The following RNF157 variants were observed in gnomAD, a reference collection of about 807,000 sequenced individuals.
The protein encoded by RNF157 is ring finger protein 157.
RNF157 carries 55 observed loss-of-function variants against 88.3 expected under a neutral mutation model. That is an observed-to-expected ratio of 0.62 (90% CI 0.50 to 0.78). The LOEUF (loss-of-function observed/expected upper bound fraction) is 0.78, where lower values mean the gene tolerates loss of function less well. RNF157 is among the 30% of genes least tolerant of loss of function. RNF157 has a pLI of 0.00. For synonymous variants in RNF157, 334 were observed against 341.2 expected (o/e 0.98, Z 0.23); for missense variants, 788 against 860.8 (o/e 0.92, Z 1.06).
At position 76,145,296 on chromosome 17, in the gene RNF157, G is replaced by A; in HGVS notation, c.1979C>T (p.Ser660Leu). Reference protein sequence around the residue: ...VSRNAQRRRLSSSSLEDSETR... With the variant: ...VSRNAQRRRLLSSSLEDSETR... ...CTCAGAGTCCTCCAGGCTGCTGGATGACAAGCGCCGGCGCTGGGCATTCCG... is the reference window on the plus strand; with the variant it reads ...CTCAGAGTCCTCCAGGCTGCTGGATAACAAGCGCCGGCGCTGGGCATTCCG... Residue 660 changes from serine to leucine, a missense_variant, in exon 19 of 19, where the codon TCA (serine) becomes TTA (leucine). Transcript: ENST00000269391. 4 of 1,611,502 alleles carry A rather than the reference G, an allele frequency of 2.5e-6. No homozygotes were observed. The highest frequency in any genetic ancestry group is 3.4e-6 in the Non-Finnish European group (4 of 1,179,210).
rs142907410 is a variant in RNF157, at chr17:76,223,761, T to C, written c.89-11279A>G. ...CCTGTTCAGAATAAAATATGGAATA[T>C]AATGAAACAAAAAACCAAACAGACT... On this transcript the variant is annotated intron_variant, in intron 1 of 18. Transcript: ENST00000269391. 3.4e-3 allele frequency among the ~76,000 whole-genome samples: 520 copies of C among 152,226 alleles called. 5 individuals are homozygous for C. The highest frequency in any genetic ancestry group is 0.012 in the African/African-American group (497 of 41,570).
At chr17:76,202,507 G>C (rs991517952) in intron 2 of RNF157, 4 of 153,262 alleles carry the variant, frequency 2.6e-5, no homozygotes, top group Admixed American at 6.5e-5. Context: ...GTTAAAGATG[G>C]GTCTTCAAAG....
chr17:76,225,055 C>T (rs2070055963), intron 1 of RNF157, among the ~76,000 whole-genome samples: 1 of 152,088 alleles, frequency 6.6e-6, no homozygotes. Flanking sequence ...ATCTGTAATC[C>T]CAGCTACTTG....
chr17:76,220,704 A>G (rs2069967674), intron 1 of RNF157, among the ~76,000 whole-genome samples: 1 of 151,940 alleles, frequency 6.6e-6, no homozygotes, highest in Admixed American at 6.6e-5. Context: ...TCACGCCTGT[A>G]ATCCCAACAC....
chr17:76,173,882 G>C (rs2069060440), intron 2 of RNF157, 92 bp from the exon 3 acceptor site: 3 of 1,035,320 alleles, frequency 2.9e-6, no homozygotes, highest in African/African-American at 1.6e-5. Context: ...AGCCCTAAGA[G>C]GTGAGGCAGG....
chr17:76,155,808 C>G (rs1672897881), intron 14 of RNF157, 74 bp from the exon 15 acceptor site: 1 of 1,284,058 alleles, frequency 7.8e-7, no homozygotes, highest in Non-Finnish European at 1.1e-6. Flanking sequence ...GGGAGCAGAG[C>G]CCTCTCCCTG....
chr17:76,193,894 A>AC (rs780626402), intron 2 of RNF157, among the ~76,000 whole-genome samples: 13 of 151,850 alleles, frequency 8.6e-5, no homozygotes, highest in Non-Finnish European at 1.6e-4. Context: ...CTGCCCTGCT[A>AC]CCCCTCCCAC....
At chr17:76,155,154 C>T (rs548640530) in intron 16 of RNF157, 98 bp downstream of exon 16, 169 of 1,044,186 alleles carry the variant, frequency 1.6e-4, no homozygotes, top group Non-Finnish European at 2.3e-4. Flanking sequence ...GCTTCGTCAG[C>T]GCAGCCTCCT....
chr17:76,212,256 C>A, intron 2 of RNF157, 108 bp downstream of exon 2: 1 of 767,334 alleles, frequency 1.3e-6, no homozygotes, highest in South Asian at 1.5e-5. Context: ...TCTCTCAACT[C>A]AGACCAAGCT....
At chr17:76,226,488 T>C (rs780753021) in intron 1 of RNF157, 134 of 1,611,236 alleles carry the variant, frequency 8.3e-5, no homozygotes, top group Non-Finnish European at 1.1e-4. Context: ...TCTGGCATGG[T>C]TTCCAGGTCA....
intron 2 of RNF157, among the ~76,000 whole-genome samples, chr17:76,204,229 T>C (rs955856031): frequency 6.6e-6 from 1 of 152,168 alleles, no homozygotes; most frequent in Non-Finnish European, 1.5e-5. Context: ...CTTCCTTGTA[T>C]TGCTTATTAA....
At chr17:76,209,835 C>T (rs532752999) in intron 2 of RNF157, among the ~76,000 whole-genome samples, 1 of 152,282 alleles carries the variant, frequency 6.6e-6, no homozygotes, top group African/African-American at 2.4e-5. Context: ...TCTTGGCTTA[C>T]TGCAACCTCC....
intron 2 of RNF157, among the ~76,000 whole-genome samples, chr17:76,200,102 T>C (rs897752852): frequency 2.7e-5 from 4 of 150,762 alleles, no homozygotes; most frequent in African/African-American, 7.3e-5. Flanking sequence ...ATTAGCCGGG[T>C]GTGGTGGCGG....
chr17:76,190,590 G>C (rs1364696355), intron 2 of RNF157, among the ~76,000 whole-genome samples: 6 of 147,590 alleles, frequency 4.1e-5, no homozygotes. Flanking sequence ...GTGACAGAGT[G>C]AGACCCCATC....
intron 2 of RNF157, among the ~76,000 whole-genome samples, chr17:76,210,336 G>A (rs891168118): frequency 2.0e-5 from 3 of 151,920 alleles, no homozygotes; most frequent in African/African-American, 7.2e-5. Flanking sequence ...GCTCATGCCT[G>A]TAATCCCAGC....
intron 3 of RNF157, among the ~76,000 whole-genome samples, chr17:76,172,834 T>C (rs570077903): frequency 1.3e-5 from 2 of 151,766 alleles, no homozygotes; most frequent in Non-Finnish European, 2.9e-5. Flanking sequence ...CATCTAGGGG[T>C]GGCGGGCAGT....
chr17:76,191,940 G>A (rs2069393845), intron 2 of RNF157, among the ~76,000 whole-genome samples: 1 of 152,182 alleles, frequency 6.6e-6, no homozygotes. Context: ...TGACTCGTAA[G>A]TCTTTGACAA....
rs527368535 is a variant in RNF157 at position 76,194,826 on chromosome 17, T to C, written c.207+17538A>G. Among the ~76,000 whole-genome samples the C allele has an allele frequency of 9.3e-4, 142 of 152,128 alleles. 1 individual carries two copies. Among genetic ancestry groups the C allele is most frequent in the South Asian group, 9.1e-3 (44 of 4,814 alleles). On this transcript the variant is annotated intron_variant, in intron 2 of 18. Coordinates refer to ENST00000269391, the MANE Select transcript of RNF157 (RefSeq NM_052916.3). Reference sequence around the variant, plus strand: ...GTCAGGAGATCGAGACCATCCTGGCTAACATGGTGAAACCCCGTCTCTACT... The same window carrying C: ...GTCAGGAGATCGAGACCATCCTGGCCAACATGGTGAAACCCCGTCTCTACT...
chr17:76,161,587 G>A lies in RNF157; in HGVS notation c.1013C>T (p.Thr338Ile), dbSNP rs1488323480. ...GGATGAGATGATGGGGTTAAAGCTG[G>A]TTGGGGACAAGGGGCCCAATTTTTT... ...MRKKLGPLSP[T>I]SFNPIISSQT... The change falls in exon 11 of 19, where the codon ACC becomes ATC. Residue 338 changes from threonine to isoleucine, a missense_variant. Transcript: ENST00000269391. This position sits in a 1 kb window ranked among gnomAD's most constrained non-coding sequence, Gnocchi z 4.6. 4 of 1,614,182 alleles carry A rather than the reference G, an allele frequency of 2.5e-6. No homozygotes were observed. The South Asian group carries it at 4.4e-5, about 18-fold the overall frequency.
Sources: gnomAD v4.1 joint callset for allele counts (sites outside exome capture counted in the v4.1 genomes callset) on GRCh38, gnomAD v4.1.1 for gene constraint, Gnocchi (gnomAD v3.1) non-coding constraint, MANE v1.5 for transcripts, NCBI Gene and HGNC (gene_info 2026-07-23, HGNC 2026-07-21) for gene names.